The following PLA2G2C variants were observed in gnomAD, a reference collection of about 807,000 sequenced individuals.
PLA2G2C encodes phospholipase A2 group IIC.
PLA2G2C carries 15 observed loss-of-function variants against 14.3 expected under a neutral mutation model. The ratio of observed to expected loss-of-function variants is 1.05; its 90% CI spans 0.70 to 1.62. PLA2G2C has a LOEUF of 1.62. Among genes scored for constraint, PLA2G2C ranks in the 40% most tolerant of loss-of-function variants. The pLI is 0.00. For missense variants in PLA2G2C, 162 were observed against 173.2 expected (o/e 0.94, Z 0.36); for synonymous variants, 79 against 67.7 (o/e 1.17, Z -0.82).
At chr1:20,168,356 G>A (rs1019673776) in intron 4 of PLA2G2C, among the ~76,000 whole-genome samples, 4 of 152,240 alleles carry the variant, frequency 2.6e-5, no homozygotes. Flanking sequence ...ACAGGTGCAA[G>A]CCAGCAGACC....
intron 1 of PLA2G2C, among the ~76,000 whole-genome samples, chr1:20,185,811 A>C (rs2018364326): frequency 6.6e-6 from 1 of 152,304 alleles, no homozygotes; most frequent in Non-Finnish European, 1.5e-5. Flanking sequence ...CCGCTCCTCC[A>C]TGCCCCGGCC....
At chr1:20,164,945 G>C (rs922737250) in intron 4 of PLA2G2C, among the ~76,000 whole-genome samples, 1 of 152,230 alleles carries the variant, frequency 6.6e-6, no homozygotes, top group Non-Finnish European at 1.5e-5. Flanking sequence ...AAGGAAATAA[G>C]CAGGGACCTT....
intron 3 of PLA2G2C, 30 bp from the exon 4 acceptor site, chr1:20,172,927 G>C (rs778076669): frequency 1.3e-6 from 2 of 1,561,288 alleles, no homozygotes; most frequent in African/African-American, 2.7e-5. Flanking sequence ...GAATCTGCTG[G>C]AGGACCTTAT....
intron 4 of PLA2G2C, among the ~76,000 whole-genome samples, chr1:20,168,774 C>T (rs2018021524): frequency 6.6e-6 from 1 of 152,208 alleles, no homozygotes. Flanking sequence ...CATGTATGTG[C>T]ATGTGGGCGG....
chr1:20,185,247 G>A (rs1220008650), intron 1 of PLA2G2C, among the ~76,000 whole-genome samples: 1 of 152,308 alleles, frequency 6.6e-6, no homozygotes, highest in East Asian at 1.9e-4. Context: ...TCGTGTTTCT[G>A]TTACACCAAG....
At chr1:20,173,155 A>T (rs2018118302) in intron 3 of PLA2G2C, among the ~76,000 whole-genome samples, 1 of 70,274 alleles carries the variant, frequency 1.4e-5, no homozygotes, top group Non-Finnish European at 3.3e-5. Flanking sequence ...TTTTAAGTTT[A>T]AAAAAAAAAA....
In PLA2G2C at chr1:20,177,323, C is replaced by A; in HGVS notation, c.40+1G>T. On this transcript the variant is annotated splice_donor_variant, in intron 2 of 4. Transcript: ENST00000679259. LOFTEE classifies it high-confidence loss of function. ...GCTGACCCACCAAGCTCTCTACTTA[C>A]AGCAGAAGAGGAGGAGGGTGAGGAT... 2.9e-6 allele frequency: 2 copies of A among 700,818 alleles called. No individual in the cohort carries two copies. Among genetic ancestry groups the A allele is most frequent in the Non-Finnish European group, 5.2e-6 (2 of 384,880 alleles). The allele number at this position is 700,818 out of a possible 1,614,324, so 43.4% of individuals were successfully genotyped here. A position where few individuals can be genotyped will look rare whatever the true frequency, so the allele number is the denominator to read the frequency against.
chr1:20,179,940 CCT>C (rs761918457), intron 1 of PLA2G2C, among the ~76,000 whole-genome samples: 4 of 149,944 alleles, frequency 2.7e-5, no homozygotes, highest in Admixed American at 2.0e-4. Context: ...TCACCTTCTC[CCT>C]CTGTGTCAGC....
chr1:20,169,699 A>G lies in PLA2G2C; in HGVS notation c.283+3095T>C, dbSNP rs557518804. ...CCACTGTAGCTGGGTTGCTTTAGCT[A>G]ATCCTTCCAGCAGCCTTATGAAGTA... On this transcript the variant is annotated intron_variant, in intron 4 of 4. Coordinates refer to ENST00000679259, the MANE Select transcript of PLA2G2C (RefSeq NM_001367969.2). Among the ~76,000 whole-genome samples, 6 of 152,330 alleles carry G rather than the reference A, an allele frequency of 3.9e-5. No homozygotes were observed. The East Asian group carries it at 1.2e-3, about 29-fold the overall frequency.
chr1:20,164,203 G>C (rs780347810), intron 4 of PLA2G2C, 46 bp from the exon 5 acceptor site: 3 of 1,579,364 alleles, frequency 1.9e-6, no homozygotes, highest in Non-Finnish European at 2.6e-6. Flanking sequence ...CCCAGCCCCA[G>C]GGTTTGGTTC....
chr1:20,175,237 A>T (rs1384874313), intron 2 of PLA2G2C, 92 bp from the exon 3 acceptor site: 12 of 1,572,704 alleles, frequency 7.6e-6, no homozygotes, highest in Non-Finnish European at 1.0e-5. Context: ...AGTGCTGAGC[A>T]TTCGAAATAT....
At chr1:20,174,332 C>T (rs966344722) in intron 3 of PLA2G2C, among the ~76,000 whole-genome samples, 1 of 152,302 alleles carries the variant, frequency 6.6e-6, no homozygotes. Context: ...CTTACCTCCC[C>T]ACACGTACAT....
intron 1 of PLA2G2C, among the ~76,000 whole-genome samples, chr1:20,183,982 T>C (rs1314367588): frequency 6.6e-6 from 1 of 152,172 alleles, no homozygotes. Context: ...TTTGAAGACA[T>C]CCTCTTTATA....
At chr1:20,173,257 A>G (rs538069970) in intron 3 of PLA2G2C, among the ~76,000 whole-genome samples, 5 of 152,034 alleles carry the variant, frequency 3.3e-5, no homozygotes, top group African/African-American at 1.2e-4. Flanking sequence ...CGGAGGCTGC[A>G]GTGAGCTCTG....
At chr1:20,180,550 T>C (rs1386734251) in intron 1 of PLA2G2C, among the ~76,000 whole-genome samples, 1 of 152,268 alleles carries the variant, frequency 6.6e-6, no homozygotes, top group Non-Finnish European at 1.5e-5. Flanking sequence ...ACTTAAACTC[T>C]GGTCCCTTTC....
At chr1:20,184,197 G>GCACACACACACACACGCA (rs1553184786) in intron 1 of PLA2G2C, 3 of 149,618 alleles carry the variant, frequency 2.0e-5, no homozygotes, top group African/African-American at 7.4e-5. Flanking sequence ...GTGCGCACAC[G>GCACACACACACACACGCA]CACACACACA....
rs192378689 is a variant in PLA2G2C at position 20,182,840 on chromosome 1, G to C, written c.-77+3520C>G. On this transcript the variant is annotated intron_variant, in intron 1 of 4. Coordinates refer to ENST00000679259, the MANE Select transcript of PLA2G2C (RefSeq NM_001367969.2). ...AATTCAAAATGGGGCCAAACACTCT[G>C]TGGGGACAAGCCGCTAAGAAACCGG... is the stretch of plus-strand genomic sequence containing the variant. Among the ~76,000 whole-genome samples the C allele has an allele frequency of 4.3e-3, 650 of 152,386 alleles. 2 individuals carry two copies. The highest frequency in any genetic ancestry group is 6.7e-3 in the Non-Finnish European group (456 of 68,042).
At chr1:20,166,986 C>G (rs1302652389) in intron 4 of PLA2G2C, among the ~76,000 whole-genome samples, 2 of 152,178 alleles carry the variant, frequency 1.3e-5, no homozygotes, top group African/African-American at 4.8e-5. Flanking sequence ...CCAGATCTTG[C>G]ATCTTTTAAT....
chr1:20,180,342 T>C (rs2018262287), intron 1 of PLA2G2C, among the ~76,000 whole-genome samples: 1 of 152,182 alleles, frequency 6.6e-6, no homozygotes, highest in South Asian at 2.1e-4. Flanking sequence ...CTTGGGAAGG[T>C]CACAGAAATC....
Sources: allele counts gnomAD v4.1 joint callset (sites outside exome capture counted in the v4.1 genomes callset), GRCh38; gene constraint gnomAD v4.1.1; transcripts MANE v1.5; gene names NCBI Gene and HGNC (gene_info 2026-07-23, HGNC 2026-07-21).